The following ERICH1 variants were observed in gnomAD, a reference collection of about 807,000 sequenced individuals.
ERICH1 encodes the protein glutamate-rich protein 1.
ERICH1 carries 56 observed loss-of-function variants against 39.6 expected under a neutral mutation model. The ratio of observed to expected loss-of-function variants is 1.41; its 90% CI spans 1.14 to 1.77. The LOEUF (loss-of-function observed/expected upper bound fraction) is 1.77. Ranked by LOEUF, ERICH1 falls within the 40% of genes most tolerant of loss-of-function variation. The pLI, the probability that ERICH1 is intolerant of heterozygous loss-of-function variation, is 0.00. For missense variants in ERICH1, 826 were observed against 575.4 expected (o/e 1.44, Z -4.45); for synonymous variants, 313 against 223.6 (o/e 1.40, Z -3.57).
chr8:634,925 G>C (rs549888644), intron 3 of ERICH1, among the ~76,000 whole-genome samples: 3 of 152,282 alleles, frequency 2.0e-5, no homozygotes, highest in South Asian at 2.1e-4. Flanking sequence ...TTGGGAGCTG[G>C]GGCTGTGGCT....
chr8:643,986 G>A (rs1799312855), intron 3 of ERICH1, among the ~76,000 whole-genome samples: 1 of 152,248 alleles, frequency 6.6e-6, no homozygotes, highest in African/African-American at 2.4e-5. Context: ...ACGGGGCGGG[G>A]GCGGCTCTGC....
In ERICH1 at chr8:714,904, A is replaced by G. The variant is rs1482880788; in HGVS notation, c.169+957T>C. On this transcript the variant is annotated intron_variant, in intron 2 of 5. Transcript: ENST00000262109. ...CGGTGGGATGTGCTGCACAGAGGTG[A>G]CCTCTTCCTGCATCTCTCGGTGGGA... is the stretch of plus-strand genomic sequence containing the variant. Among the ~76,000 whole-genome samples the G allele has an allele frequency of 3.0e-3, 280 of 94,148 alleles. No individual in the cohort carries two copies. In the Middle Eastern group the frequency reaches 0.032, roughly 11 times the overall value. The allele number at this position is 94,148 out of a possible 152,430, so 61.8% of individuals were successfully genotyped here. A position where few individuals can be genotyped will look rare whatever the true frequency, so the allele number is the denominator to read the frequency against.
intron 1 of ERICH1, among the ~76,000 whole-genome samples, chr8:716,374 G>T (rs1816000915): frequency 6.6e-6 from 1 of 152,270 alleles, no homozygotes; most frequent in Admixed American, 6.5e-5. Flanking sequence ...GTCAGTGGGG[G>T]CTGTGGTCCT....
intron 3 of ERICH1, among the ~76,000 whole-genome samples, chr8:650,728 C>T (rs969813869): frequency 8.5e-5 from 13 of 152,192 alleles, no homozygotes; most frequent in Admixed American, 7.8e-4. Flanking sequence ...CACCCCGCAG[C>T]ACACGCTGAT....
intron 2 of ERICH1, among the ~76,000 whole-genome samples, chr8:712,393 T>C (rs948719682): frequency 2.0e-5 from 3 of 152,014 alleles, no homozygotes; most frequent in African/African-American, 7.2e-5. Context: ...TATTTTATTA[T>C]GGGGGGGTGG....
chr8:725,202 G>A (rs117305513), intron 1 of ERICH1: 2,408 of 192,642 alleles, frequency 0.012, 27 homozygotes, highest in Admixed American at 0.024. Context: ...TGTCCCCTCC[G>A]GCTTCCGTGC....
At chr8:650,965 C>T (rs1461794458) in intron 3 of ERICH1, among the ~76,000 whole-genome samples, 1 of 152,208 alleles carries the variant, frequency 6.6e-6, no homozygotes, top group African/African-American at 2.4e-5. Context: ...TTACAAATGA[C>T]AGCAGATACG....
intron 3 of ERICH1, among the ~76,000 whole-genome samples, chr8:689,508 G>A (rs897313521): frequency 5.9e-5 from 9 of 152,154 alleles, no homozygotes; most frequent in Non-Finnish European, 1.2e-4. Flanking sequence ...AGATGCTGGC[G>A]GTGCCCCCAC....
chr8:701,168 T>G (rs1285649427), intron 2 of ERICH1, among the ~76,000 whole-genome samples: 1 of 152,246 alleles, frequency 6.6e-6, no homozygotes, highest in Non-Finnish European at 1.5e-5. Context: ...GGTGGACGGG[T>G]CTGCCCCGCC....
intron 4 of ERICH1, chr8:672,223 A>G (rs1585176178): frequency 1.3e-5 from 2 of 152,296 alleles, no homozygotes; most frequent in East Asian, 3.8e-4. Flanking sequence ...TCACACACAG[A>G]ATAGAAAGTT....
chr8:618,383 AGTGCTTG>A (rs1445833868), intron 3 of ERICH1, among the ~76,000 whole-genome samples: 9 of 151,792 alleles, frequency 5.9e-5, no homozygotes, highest in African/African-American at 1.9e-4. Context: ...CTGCCCTCTG[AGTGCTTG>A]GTGCTTGGTC....
intron 2 of ERICH1, among the ~76,000 whole-genome samples, chr8:709,951 G>A (rs370087848): frequency 1.3e-5 from 2 of 151,956 alleles, no homozygotes; most frequent in African/African-American, 4.8e-5. Context: ...AAAGTAAATC[G>A]ACCTTAAAAA....
At chr8:671,144 G>A (rs545611988) in intron 4 of ERICH1, among the ~76,000 whole-genome samples, 96 of 147,438 alleles carry the variant, frequency 6.5e-4, no homozygotes, top group South Asian at 2.4e-3. Flanking sequence ...TGCCAGCCCC[G>A]GTTCTAATGT....
At chr8:705,626 T>A (rs1813096712) in intron 2 of ERICH1, among the ~76,000 whole-genome samples, 1 of 152,036 alleles carries the variant, frequency 6.6e-6, no homozygotes, top group Admixed American at 6.6e-5. Context: ...GAGACCAGGA[T>A]TCCCACTCAC....
At chr8:702,202 G>C (rs1812310392) in intron 2 of ERICH1, among the ~76,000 whole-genome samples, 1 of 152,142 alleles carries the variant, frequency 6.6e-6, no homozygotes, top group African/African-American at 2.4e-5. Flanking sequence ...GGCAAAGGCA[G>C]ATGGCCAGGA....
At chr8:624,586 C>T (rs986838249) in intron 3 of ERICH1, among the ~76,000 whole-genome samples, 2 of 152,112 alleles carry the variant, frequency 1.3e-5, no homozygotes, top group South Asian at 2.1e-4. Context: ...GTACAGGAAG[C>T]ATGGCTGGGG....
intron 1 of ERICH1, among the ~76,000 whole-genome samples, chr8:721,653 G>A (rs1817346354): frequency 6.6e-6 from 1 of 152,174 alleles, no homozygotes; most frequent in South Asian, 2.1e-4. Context: ...AGGACCCCAC[G>A]GACTGCTGGT....
intron 1 of ERICH1, among the ~76,000 whole-genome samples, chr8:724,292 A>G (rs2132439026): frequency 6.6e-6 from 1 of 152,340 alleles, no homozygotes; most frequent in South Asian, 2.1e-4. Flanking sequence ...CCCGGACAAC[A>G]TAGTGAGATC....
At chr8:681,989 C>T (rs529320824) in intron 3 of ERICH1, among the ~76,000 whole-genome samples, 77 of 152,308 alleles carry the variant, frequency 5.1e-4, no homozygotes, top group Admixed American at 1.8e-3. Flanking sequence ...TTTAGCCAGA[C>T]TCTCCCTCAC....
Sources: gnomAD v4.1 joint callset for allele counts (sites outside exome capture counted in the v4.1 genomes callset) on GRCh38, gnomAD v4.1.1 for gene constraint, MANE v1.5 for transcripts, NCBI Gene and HGNC (gene_info 2026-07-23, HGNC 2026-07-21) for gene names.